Variants in TNRC6A observed in about 807,000 individuals in gnomAD.
The protein encoded by TNRC6A is trinucleotide repeat-containing gene 6A protein.
A neutral mutation model predicts 221.2 loss-of-function variants in TNRC6A; 44 were observed. That is an observed-to-expected ratio of 0.20 (90% CI 0.16 to 0.26). The LOEUF is 0.26. Ranked by LOEUF, TNRC6A falls within the 10% of genes least tolerant of loss-of-function variation. The pLI, the probability that TNRC6A is intolerant of heterozygous loss-of-function variation, is 1.00. For synonymous variants in TNRC6A, 847 were observed against 838.5 expected (o/e 1.01, Z -0.18); for missense variants, 2,199 against 2,404.4 (o/e 0.91, Z 1.79).
intron 2 of TNRC6A, among the ~76,000 whole-genome samples, chr16:24,733,282 G>C (rs1412539020): frequency 2.0e-5 from 3 of 152,130 alleles, no homozygotes; most frequent in Non-Finnish European, 4.4e-5. Flanking sequence ...TGGAAGCCCT[G>C]GTTTCTGAAT....
intron 9 of TNRC6A, among the ~76,000 whole-genome samples, chr16:24,796,736 G>A (rs1383187919): frequency 2.2e-5 from 2 of 91,118 alleles, no homozygotes; most frequent in African/African-American, 1.2e-4. Flanking sequence ...GTAGCAATGG[G>A]AAGGGGTAAT....
At chr16:24,617,273 A>G (rs905219762) in intron 1 of TNRC6A, among the ~76,000 whole-genome samples, 3 of 151,954 alleles carry the variant, frequency 2.0e-5, no homozygotes, top group African/African-American at 7.2e-5. Context: ...CTACAGGTGT[A>G]TGTCACCACA....
intron 2 of TNRC6A, among the ~76,000 whole-genome samples, chr16:24,710,181 C>T (rs961223936): frequency 1.2e-4 from 18 of 151,054 alleles, no homozygotes; most frequent in Admixed American, 2.6e-4. Flanking sequence ...GCCGAGATCG[C>T]GCCATTGCAC....
chr16:24,749,387 T>C (rs1469357496), intron 2 of TNRC6A, among the ~76,000 whole-genome samples: 2 of 152,178 alleles, frequency 1.3e-5, no homozygotes, highest in Non-Finnish European at 2.9e-5. Context: ...CAAGCACCTA[T>C]CAGACTCCTG....
chr16:24,721,224 C>T (rs952661112), intron 2 of TNRC6A, among the ~76,000 whole-genome samples: 2 of 152,148 alleles, frequency 1.3e-5, no homozygotes, highest in Non-Finnish European at 1.5e-5. Context: ...TATACACTTA[C>T]CTTGTGATCC....
At chr16:24,743,256 T>G (rs2056930056) in intron 2 of TNRC6A, among the ~76,000 whole-genome samples, 1 of 152,184 alleles carries the variant, frequency 6.6e-6, no homozygotes, top group South Asian at 2.1e-4. Flanking sequence ...GTCCTTATGG[T>G]GGAGTATCTA....
intron 2 of TNRC6A, among the ~76,000 whole-genome samples, chr16:24,668,489 C>T (rs1189353972): frequency 6.6e-6 from 1 of 152,182 alleles, no homozygotes; most frequent in Non-Finnish European, 1.5e-5. Flanking sequence ...TCCCTCGGCT[C>T]TACCCGACTT....
At chr16:24,628,690 C>T (rs550961609) in intron 1 of TNRC6A, among the ~76,000 whole-genome samples, 5 of 152,178 alleles carry the variant, frequency 3.3e-5, no homozygotes, top group East Asian at 3.9e-4. Flanking sequence ...ATACAAAATA[C>T]GTGTTAACCG....
At chr16:24,780,823 T>C (rs2057825475) in intron 5 of TNRC6A, among the ~76,000 whole-genome samples, 1 of 152,018 alleles carries the variant, frequency 6.6e-6, no homozygotes, top group Admixed American at 6.6e-5. Flanking sequence ...TGGGATGTTT[T>C]AACCAAAAGT....
Position 24,789,329 on chromosome 16 carries a change from T to C in TNRC6A, c.687T>C (p.Val229=), listed in dbSNP as rs754789348. 6.2e-7 allele frequency: 1 copy of C among 1,614,194 alleles called. No homozygotes were observed. The highest frequency in any genetic ancestry group is 8.5e-7 in the Non-Finnish European group (1 of 1,180,040). ...SDSSTNCKNA[V]VSDLSEKEAW... The stretch of plus-strand genomic sequence containing the variant: ...CTAGCACAAACTGTAAGAATGCTGT[T>C]GTAAGTGACTTGTCGGAAAAAGAAG... The change falls in exon 6 of 25, where the codon GTT becomes GTC. Residue 229 remains valine (V), a synonymous_variant. Transcript: ENST00000395799.
chr16:24,634,397 TCCAG>T (rs1901517115), intron 1 of TNRC6A, among the ~76,000 whole-genome samples: 1 of 151,818 alleles, frequency 6.6e-6, no homozygotes, highest in Non-Finnish European at 1.5e-5. Context: ...GCCACTACAC[TCCAG>T]CCTGGGCGAC....
rs1424895231 is a variant in TNRC6A, at chr16:24,804,724, A to T, written c.3857A>T (p.Glu1286Val). The T allele has an allele frequency of 6.3e-7, 1 of 1,596,024 alleles. No individual in the cohort carries two copies. Among genetic ancestry groups the T allele is most frequent in the South Asian group, 1.1e-5 (1 of 87,170 alleles). The change falls in exon 13 of 25, where the codon GAA becomes GTA. Residue 1286 changes from glutamate to valine, a missense_variant. Glu to Val is a moderately radical substitution (Grantham distance 121). Around this residue, in one of 8 missense-constraint regions of TNRC6A, gnomAD observed 158 missense variants for 159.1 expected, o/e 0.99. Coordinates refer to ENST00000395799, the MANE Select transcript of TNRC6A (RefSeq NM_014494.4). ...YFDKDGIVADESQNMQFMSSQ... is the reference protein window; with the variant it reads ...YFDKDGIVADVSQNMQFMSSQ... ...AATCAGGATGGCATTGTAGCAGATG[A>T]ATCCCAAAACATGCAGTTTATGTCC...
intron 17 of TNRC6A, among the ~76,000 whole-genome samples, chr16:24,807,269 T>A (rs540829448): frequency 2.0e-5 from 3 of 152,272 alleles, no homozygotes; most frequent in African/African-American, 7.2e-5. Context: ...CCTCCCAAAG[T>A]GTTGGGATTA....
chr16:24,793,326 C>T, intron 6 of TNRC6A, 147 bp from the exon 7 acceptor site: 1 of 458,350 alleles, frequency 2.2e-6, no homozygotes, highest in Non-Finnish European at 3.7e-6. Context: ...AAACAGATGC[C>T]ATCTTTTTGC....
At chr16:24,694,797 G>A (rs8048936) in intron 2 of TNRC6A, among the ~76,000 whole-genome samples, 68,416 of 151,648 alleles carry the variant, frequency 0.45, 16,313 homozygotes, top group African/African-American at 0.62. Flanking sequence ...GCTGGGTGTG[G>A]TGCTGTACAC....
chr16:24,661,474 C>G (rs370496533), intron 2 of TNRC6A: 1 of 152,122 alleles, frequency 6.6e-6, no homozygotes, highest in African/African-American at 2.4e-5. Flanking sequence ...AGTGCAGTAG[C>G]GCCATTTTGG....
At chr16:24,621,345 C>G (rs77380084) in intron 1 of TNRC6A, among the ~76,000 whole-genome samples, 1 of 73,948 alleles carries the variant, frequency 1.4e-5, no homozygotes, top group Non-Finnish European at 2.4e-5. Context: ...AGAATATGGT[C>G]TTTTTTTTTT....
upstream of TNRC6A, among the ~76,000 whole-genome samples, chr16:24,727,971 GA>G (rs1165644293): frequency 6.7e-6 from 1 of 150,022 alleles, no homozygotes; most frequent in African/African-American, 2.5e-5. Context: ...TCGCAAAAAA[GA>G]AAAAAACAGA....
At position 24,806,636 on chromosome 16, in the gene TNRC6A, G is replaced by A. The variant is rs1432866776; in HGVS notation, c.4392G>A (p.Leu1464=). 9 of 1,614,194 alleles carry A rather than the reference G, an allele frequency of 5.6e-6. No homozygotes were observed. The highest frequency in any genetic ancestry group is 7.6e-6 in the Non-Finnish European group (9 of 1,180,048). ...MQQSRQLDPN[L]LVKQQTPPSQ... ...AATCTCGTCAACTTGATCCAAACCT[G>A]TTGGTGAAGCAGCAGACTCCACCAT... Residue 1464 remains leucine (L), a synonymous_variant, in exon 17 of 25, where the codon CTG becomes CTA. Transcript: ENST00000395799.
Sources: allele counts gnomAD v4.1 joint callset (sites outside exome capture counted in the v4.1 genomes callset), GRCh38; gene constraint gnomAD v4.1.1; regional missense constraint gnomAD v4.1.1; transcripts MANE v1.5; gene names NCBI Gene and HGNC (gene_info 2026-07-23, HGNC 2026-07-21).